MSRA: variants seen among roughly 807,000 people sequenced by gnomAD.
The protein encoded by MSRA is mitochondrial peptide methionine sulfoxide reductase.
A neutral mutation model predicts 31.3 loss-of-function variants in MSRA; 54 were observed. The observed-to-expected ratio is 1.73, with a 90% CI of 1.39 to 2.17. The LOEUF (loss-of-function observed/expected upper bound fraction) is 2.17. Ranked by LOEUF, MSRA falls within the 30% of genes most tolerant of loss-of-function variation. The pLI is 0.00. For synonymous variants in MSRA, 169 were observed against 116.5 expected, an observed-to-expected ratio of 1.45 and a Z score of -2.90; for missense variants, 507 against 300.9, an observed-to-expected ratio of 1.69 and a Z score of -5.07.
chr8:10,324,311 G>C (rs561724190), intron 5 of MSRA, among the ~76,000 whole-genome samples: 1 of 152,296 alleles, frequency 6.6e-6, no homozygotes, highest in East Asian at 1.9e-4. Context: ...AGTTCATTAA[G>C]GGGTGAGCTT....
At chr8:10,095,646 C>T in intron 1 of MSRA, 6 of 995,082 alleles carry the variant, frequency 6.0e-6, no homozygotes, top group Non-Finnish European at 7.2e-6. Context: ...AAATCAGCTT[C>T]TTTTGTCTGC....
rs538672738 is a variant in MSRA at position 10,082,244 on chromosome 8, C to G, written c.142+27586C>G. Among the ~76,000 whole-genome samples the G allele has an allele frequency of 7.2e-5, 11 of 152,130 alleles. No individual in the cohort carries two copies. The East Asian group carries it at 1.4e-3, about 19-fold the overall frequency. ...GCCAAACAAACGAAACAAAACAAAC[C>G]CTACAAAACCTGACCCATAACACAG... On this transcript the variant is annotated intron_variant, in intron 1 of 5. Transcript: ENST00000317173.
intron 2 of MSRA, among the ~76,000 whole-genome samples, chr8:10,225,850 G>A (rs1810954446): frequency 6.6e-6 from 1 of 152,206 alleles, no homozygotes; most frequent in African/African-American, 2.4e-5. Flanking sequence ...AAGCCATGCT[G>A]AAAGGCAGAG....
chr8:10,208,818 CT>C (rs1381406813), intron 2 of MSRA, among the ~76,000 whole-genome samples: 3 of 152,234 alleles, frequency 2.0e-5, no homozygotes, highest in Non-Finnish European at 4.4e-5. Context: ...CCCGTAGCTT[CT>C]CTCCTGCTCT....
chr8:10,177,789 G>T (rs1159853875), intron 1 of MSRA, among the ~76,000 whole-genome samples: 1 of 152,204 alleles, frequency 6.6e-6, no homozygotes, highest in Admixed American at 6.5e-5. Context: ...GTCTTGGAAA[G>T]AAGAAAAGCT....
intron 1 of MSRA, among the ~76,000 whole-genome samples, chr8:10,161,276 T>A (rs1804622012): frequency 1.3e-5 from 2 of 152,318 alleles, no homozygotes; most frequent in South Asian, 4.1e-4. Flanking sequence ...TTTCCCCATT[T>A]AATTCCTGGT....
chr8:10,372,624 G>T (rs886604893), intron 5 of MSRA, among the ~76,000 whole-genome samples: 1 of 152,124 alleles, frequency 6.6e-6, no homozygotes. Context: ...AACAAAGGGG[G>T]TTAGCTTACA....
At chr8:10,320,537 C>T (rs754045942) in intron 5 of MSRA, among the ~76,000 whole-genome samples, 18 of 152,172 alleles carry the variant, frequency 1.2e-4, no homozygotes, top group South Asian at 4.1e-4. Flanking sequence ...GAAGACACAG[C>T]CTGTTAAAAT....
chr8:10,413,334 C>T (rs1411720093), intron 5 of MSRA, among the ~76,000 whole-genome samples: 9 of 152,186 alleles, frequency 5.9e-5, no homozygotes, highest in Non-Finnish European at 1.3e-4. Flanking sequence ...CACACTGAGA[C>T]TTCAATGGCC....
At chr8:10,370,447 C>A (rs1193146497) in intron 5 of MSRA, among the ~76,000 whole-genome samples, 1 of 152,234 alleles carries the variant, frequency 6.6e-6, no homozygotes, top group Admixed American at 6.5e-5. Context: ...GTGCCTGAGG[C>A]TTCCAAGGAA....
At position 10,075,438 on chromosome 8, in the gene MSRA, C is replaced by T. The variant is rs148960639; in HGVS notation, c.142+20780C>T. Among the ~76,000 whole-genome samples the T allele has an allele frequency of 1.0e-3, 154 of 152,292 alleles. 1 individual carries two copies. The highest frequency in any genetic ancestry group is 3.6e-3 in the African/African-American group (148 of 41,562). On this transcript the variant is annotated intron_variant, in intron 1 of 5. Coordinates refer to ENST00000317173, the MANE Select transcript of MSRA (RefSeq NM_012331.5). ...TTTATTACGACTGTGTATGTGTGTC[C>T]AGTGGCTGACTTTCCAAGCAGTTAT...
chr8:10,345,517 T>C (rs1026646986), intron 5 of MSRA, among the ~76,000 whole-genome samples: 1 of 152,206 alleles, frequency 6.6e-6, no homozygotes, highest in African/African-American at 2.4e-5. Flanking sequence ...CACTTCTGTT[T>C]CATCTTCCAC....
At chr8:10,229,030 CTT>C (rs1811242178) in intron 2 of MSRA, among the ~76,000 whole-genome samples, 1 of 152,184 alleles carries the variant, frequency 6.6e-6, no homozygotes, top group African/African-American at 2.4e-5. Flanking sequence ...TCTTGATTCT[CTT>C]TATCATTTCC....
chr8:10,362,584 C>G (rs2954817), intron 5 of MSRA, among the ~76,000 whole-genome samples: 1 of 151,922 alleles, frequency 6.6e-6, no homozygotes, highest in African/African-American at 2.4e-5. Flanking sequence ...TTTCCTAGGC[C>G]TCCACTGTTT....
chr8:10,211,413 C>G (rs1191490394), intron 2 of MSRA, among the ~76,000 whole-genome samples: 4 of 152,180 alleles, frequency 2.6e-5, no homozygotes, highest in Admixed American at 2.6e-4. Context: ...CTCCTCTGCC[C>G]TTTTGGACAA....
At chr8:10,405,505 A>G (rs892350714) in intron 5 of MSRA, among the ~76,000 whole-genome samples, 1 of 151,574 alleles carries the variant, frequency 6.6e-6, no homozygotes, top group Admixed American at 6.6e-5. Flanking sequence ...CATGCCCGGC[A>G]TTTTTTTTTC....
chr8:10,076,537 A>G (rs1040743959), intron 1 of MSRA, among the ~76,000 whole-genome samples: 2 of 152,202 alleles, frequency 1.3e-5, no homozygotes, highest in Non-Finnish European at 2.9e-5. Flanking sequence ...GATGGTCAAC[A>G]TGGGTGTGCA....
At chr8:10,155,508 G>A (rs1009878394) in intron 1 of MSRA, among the ~76,000 whole-genome samples, 11 of 152,200 alleles carry the variant, frequency 7.2e-5, no homozygotes, top group Non-Finnish European at 8.8e-5. Flanking sequence ...CGTAGAAGCT[G>A]TGCCATCCCA....
intron 1 of MSRA, among the ~76,000 whole-genome samples, chr8:10,139,791 C>G (rs1318824822): frequency 1.3e-5 from 2 of 152,178 alleles, no homozygotes; most frequent in African/African-American, 4.8e-5. Flanking sequence ...GAGGTTATTT[C>G]TATATCCTTG....
Sources: allele counts gnomAD v4.1 joint callset (sites outside exome capture counted in the v4.1 genomes callset), GRCh38; gene constraint gnomAD v4.1.1; transcripts MANE v1.5; gene names NCBI Gene and HGNC (gene_info 2026-07-23, HGNC 2026-07-21).